The following KCNJ3 variants were observed in gnomAD, a reference collection of about 807,000 sequenced individuals.
KCNJ3 encodes potassium inwardly rectifying channel subfamily J member 3.
In KCNJ3, 4 loss-of-function variants were observed where a neutral mutation model predicts 39.2. The observed-to-expected ratio is 0.10, with a 90% CI of 0.05 to 0.23. The LOEUF is 0.23. KCNJ3 is among the 10% of genes least tolerant of loss of function. KCNJ3 has a pLI of 1.00. For missense variants in KCNJ3, 276 were observed against 634.9 expected, an observed-to-expected ratio of 0.43 and a Z score of 6.08; for synonymous variants, 230 against 237.4, an observed-to-expected ratio of 0.97 and a Z score of 0.29.
At chr2:154,706,809 A>G (rs1025010818) in intron 1 of KCNJ3, among the ~76,000 whole-genome samples, 1 of 152,112 alleles carries the variant, frequency 6.6e-6, no homozygotes, top group African/African-American at 2.4e-5. Context: ...CACTGCTAAG[A>G]TAAGTTCGCT....
chr2:154,780,348 G>A (rs1177509414), intron 2 of KCNJ3, among the ~76,000 whole-genome samples: 1 of 152,154 alleles, frequency 6.6e-6, no homozygotes, highest in Non-Finnish European at 1.5e-5. Flanking sequence ...ATAGAGAATT[G>A]CTTTCTTAAA....
At chr2:154,771,421 A>C (rs1334612774) in intron 2 of KCNJ3, among the ~76,000 whole-genome samples, 3 of 152,242 alleles carry the variant, frequency 2.0e-5, no homozygotes, top group Non-Finnish European at 4.4e-5. Flanking sequence ...TGAAAGTAGT[A>C]GATGAAAATA....
At chr2:154,820,685 T>A (rs569824934) in intron 2 of KCNJ3, among the ~76,000 whole-genome samples, 4 of 152,178 alleles carry the variant, frequency 2.6e-5, no homozygotes, top group Admixed American at 6.5e-5. Context: ...AGTGTCTAAA[T>A]TCCTTTTCAG....
intron 2 of KCNJ3, among the ~76,000 whole-genome samples, chr2:154,779,742 C>T (rs1686402692): frequency 6.6e-6 from 1 of 151,688 alleles, no homozygotes; most frequent in South Asian, 2.1e-4. Context: ...CGGGGTTTCA[C>T]CATGTTGGCC....
At chr2:154,705,650 T>A (rs188360420) in intron 1 of KCNJ3, among the ~76,000 whole-genome samples, 1 of 152,194 alleles carries the variant, frequency 6.6e-6, no homozygotes, top group Non-Finnish European at 1.5e-5. Flanking sequence ...ATGTGAATAA[T>A]TGAAATATTA....
chr2:154,846,368 C>G (rs549223726), intron 2 of KCNJ3, among the ~76,000 whole-genome samples: 1 of 152,092 alleles, frequency 6.6e-6, no homozygotes, highest in South Asian at 2.1e-4. Flanking sequence ...TTAATTGGAA[C>G]CTTAATAATC....
intron 2 of KCNJ3, among the ~76,000 whole-genome samples, chr2:154,755,487 C>T (rs1415595965): frequency 6.6e-6 from 1 of 151,050 alleles, no homozygotes; most frequent in Non-Finnish European, 1.5e-5. Context: ...CTAAGGAATG[C>T]ATGCCATAAA....
At chr2:154,813,190 C>T (rs1017540402) in intron 2 of KCNJ3, among the ~76,000 whole-genome samples, 1 of 152,110 alleles carries the variant, frequency 6.6e-6, no homozygotes, top group Non-Finnish European at 1.5e-5. Flanking sequence ...TTCTAGTCTA[C>T]TTGCCCTCTT....
chr2:154,785,561 T>A (rs902446083), intron 2 of KCNJ3, among the ~76,000 whole-genome samples: 3 of 151,984 alleles, frequency 2.0e-5, no homozygotes, highest in African/African-American at 7.3e-5. Flanking sequence ...ACTAGGGGAG[T>A]GGGCTCCTGG....
At chr2:154,743,823 T>A (rs997512059) in intron 2 of KCNJ3, among the ~76,000 whole-genome samples, 1 of 151,560 alleles carries the variant, frequency 6.6e-6, no homozygotes, top group East Asian at 1.9e-4. Flanking sequence ...TCTGTTTTTG[T>A]TTTTGTTTTT....
intron 2 of KCNJ3, among the ~76,000 whole-genome samples, chr2:154,760,114 CT>C (rs1354520409): frequency 2.6e-5 from 4 of 152,186 alleles, no homozygotes; most frequent in Non-Finnish European, 5.9e-5. Flanking sequence ...TATTCATGAA[CT>C]CTGTAACTAA....
intron 2 of KCNJ3, among the ~76,000 whole-genome samples, chr2:154,762,247 A>T (rs1558867406): frequency 6.6e-6 from 1 of 152,210 alleles, no homozygotes; most frequent in Non-Finnish European, 1.5e-5. Flanking sequence ...CTTGTAATGA[A>T]ATTGTTTTAC....
chr2:154,806,599 G>A (rs1686914576), intron 2 of KCNJ3, among the ~76,000 whole-genome samples: 1 of 152,066 alleles, frequency 6.6e-6, no homozygotes, highest in African/African-American at 2.4e-5. Context: ...ATAACATACT[G>A]GATGCTAAGA....
At chr2:154,851,678 C>A (rs1329705548) in intron 2 of KCNJ3, among the ~76,000 whole-genome samples, 1 of 152,110 alleles carries the variant, frequency 6.6e-6, no homozygotes, top group Non-Finnish European at 1.5e-5. Flanking sequence ...TTAATTTTAT[C>A]TAGTAAAATA....
At chr2:154,719,231 C>T (rs1685228714) in intron 2 of KCNJ3, among the ~76,000 whole-genome samples, 5 of 152,150 alleles carry the variant, frequency 3.3e-5, no homozygotes. Flanking sequence ...AAGTATAGGA[C>T]TCCTCCATCT....
chr2:154,732,617 T>C (rs986781484), intron 2 of KCNJ3, among the ~76,000 whole-genome samples: 1 of 152,144 alleles, frequency 6.6e-6, no homozygotes, highest in African/African-American at 2.4e-5. Flanking sequence ...AGTGTATTCA[T>C]TACAATGTGC....
chr2:154,758,189 T>C (rs2105186684), intron 2 of KCNJ3, among the ~76,000 whole-genome samples: 1 of 152,292 alleles, frequency 6.6e-6, no homozygotes, highest in Non-Finnish European at 1.5e-5. Context: ...AATCTCAGAA[T>C]TTCAGAGTAA....
At chr2:154,842,874 G>A (rs571471584) in intron 2 of KCNJ3, among the ~76,000 whole-genome samples, 28 of 152,102 alleles carry the variant, frequency 1.8e-4, no homozygotes, top group African/African-American at 6.7e-4. Context: ...ACACTGATGC[G>A]TCTTGACTCT....
At chr2:154,747,525 T>G in intron 2 of KCNJ3, among the ~76,000 whole-genome samples, 1 of 152,042 alleles carries the variant, frequency 6.6e-6, no homozygotes, top group Non-Finnish European at 1.5e-5. Flanking sequence ...ATTCTCTCCC[T>G]TTCCAGGTAG....
Sources: allele counts gnomAD v4.1 joint callset (sites outside exome capture counted in the v4.1 genomes callset), GRCh38; gene constraint gnomAD v4.1.1; transcripts MANE v1.5; gene names NCBI Gene and HGNC (gene_info 2026-07-23, HGNC 2026-07-21).